The following STARD13 variants were observed in gnomAD, a reference collection of about 807,000 sequenced individuals.
The protein encoded by STARD13 is StAR related lipid transfer domain containing 13.
A neutral mutation model predicts 106.4 loss-of-function variants in STARD13; 62 were observed. The ratio of observed to expected loss-of-function variants is 0.58; its 90% CI spans 0.48 to 0.72. The LOEUF (loss-of-function observed/expected upper bound fraction) is 0.72, where lower values mean the gene tolerates loss of function less well. STARD13 is among the 30% of genes least tolerant of loss of function. The pLI, the probability that STARD13 is intolerant of heterozygous loss-of-function variation, is 0.00. For synonymous variants in STARD13, 565 were observed against 553.0 expected, an observed-to-expected ratio of 1.02 and a Z score of -0.31; for missense variants, 1,387 against 1,424.0, an observed-to-expected ratio of 0.97 and a Z score of 0.42.
chr13:33,588,257 G>T, the STARD13 span, among the ~76,000 whole-genome samples: 1 of 152,122 alleles, frequency 6.6e-6, no homozygotes, highest in Non-Finnish European at 1.5e-5. Context: ...GATTCTCAAT[G>T]ATCACCACTG....
At chr13:33,293,286 C>G (rs557423429) in intron 1 of STARD13, among the ~76,000 whole-genome samples, 1 of 152,174 alleles carries the variant, frequency 6.6e-6, no homozygotes, top group East Asian at 1.9e-4. Context: ...ATACTTGATG[C>G]CTATTGTAAG....
rs188532172 is a variant in STARD13, at chr13:33,110,033, G to A, written c.2887C>T (p.Pro963Ser). ...WKASVEVEAPPSVVLNRVLRE... is the reference protein window; with the variant it reads ...WKASVEVEAPSSVVLNRVLRE... ...AGCACGCGGTTCAGGACCACTGAGG[G>A]GGGTGCTTCCACCTCCACAGAAGCC... Residue 963 changes from proline to serine, a missense_variant, in exon 12 of 14, where the codon CCC becomes TCC. Coordinates refer to ENST00000336934, the MANE Select transcript of STARD13 (RefSeq NM_178006.4). 3 of 1,614,222 alleles carry A rather than the reference G, an allele frequency of 1.9e-6. No homozygotes were observed. The highest frequency in any genetic ancestry group is 1.3e-5 in the African/African-American group (1 of 75,052).
At chr13:33,574,971 C>T in the STARD13 span, among the ~76,000 whole-genome samples, 2 of 137,068 alleles carry the variant, frequency 1.5e-5, no homozygotes, top group African/African-American at 5.6e-5. Flanking sequence ...AGCTGGAGTG[C>T]AGAGGTGCAA....
intron 1 of STARD13, among the ~76,000 whole-genome samples, chr13:33,254,588 CT>C (rs1395987948): frequency 6.6e-6 from 1 of 152,176 alleles, no homozygotes; most frequent in African/African-American, 2.4e-5. Flanking sequence ...TTTTCATGTC[CT>C]TTTGGCCTGC....
chr13:33,646,378 C>T, the STARD13 span, among the ~76,000 whole-genome samples: 1 of 152,178 alleles, frequency 6.6e-6, no homozygotes, highest in Admixed American at 6.5e-5. Context: ...AAACATTCTG[C>T]CTCGGGATAT....
intron 13 of STARD13, among the ~76,000 whole-genome samples, chr13:33,106,139 GTC>G (rs1566525090): frequency 1.3e-5 from 2 of 152,234 alleles, no homozygotes; most frequent in African/African-American, 2.4e-5. Context: ...GAAATACATG[GTC>G]GAGCACGGTG....
chr13:33,202,883 T>A (rs1338208539), intron 1 of STARD13, among the ~76,000 whole-genome samples: 1 of 152,094 alleles, frequency 6.6e-6, no homozygotes, highest in East Asian at 1.9e-4. Context: ...GAGGGACCTC[T>A]GGGGGCTCCA....
chr13:33,558,997 T>A, the STARD13 span, among the ~76,000 whole-genome samples: 1 of 151,644 alleles, frequency 6.6e-6, no homozygotes, highest in Admixed American at 6.6e-5. Flanking sequence ...AATAGTTGAC[T>A]TTTCAATTTC....
At chr13:33,464,037 A>ATATATGTATATGTATATGTATATG in the STARD13 span, among the ~76,000 whole-genome samples, 1 of 140,982 alleles carries the variant, frequency 7.1e-6, no homozygotes, top group African/African-American at 2.6e-5. Flanking sequence ...ATATATATAT[A>ATATATGTATATGTATATGTATATG]TATATGTATA....
the STARD13 span, among the ~76,000 whole-genome samples, chr13:33,473,656 T>C: frequency 1.8e-3 from 281 of 152,334 alleles, 2 homozygotes; most frequent in African/African-American, 6.4e-3. Context: ...TATGGTTCAC[T>C]GCCATAGGCC....
In STARD13 at chr13:33,103,364, T is replaced by C. The variant is rs1027384705; in HGVS notation, c.*2229A>G. 6.5e-6 allele frequency: 1 copy of C among 152,676 alleles called. No individual in the cohort carries two copies. The highest frequency in any genetic ancestry group is 1.5e-5 in the Non-Finnish European group (1 of 68,044). 9.5% of individuals were successfully genotyped at this position (152,676 alleles called of 1,614,324 possible). ...GATGCATCGTTTTTTCTCCTTTTTT[T>C]CCCTTTTCCTTGTTTTAAAAAGATG... is the stretch of plus-strand genomic sequence containing the variant. On this transcript the variant is annotated 3_prime_UTR_variant, in exon 14 of 14. Transcript: ENST00000336934.
At chr13:33,326,495 G>A (rs985134529) in intron 1 of STARD13, among the ~76,000 whole-genome samples, 2 of 152,120 alleles carry the variant, frequency 1.3e-5, no homozygotes, top group Non-Finnish European at 2.9e-5. Flanking sequence ...CCTGTACTCC[G>A]ACATTAAGGG....
chr13:33,650,164 A>ATGTTTTTTTTTTTTT, the STARD13 span, among the ~76,000 whole-genome samples: 6 of 48,374 alleles, frequency 1.2e-4, 1 homozygote, highest in Admixed American at 7.6e-4. Flanking sequence ...CGTGACTCCA[A>ATGTTTTTTTTTTTTT]TTTTTTTTTT....
At chr13:33,427,751 T>C in the STARD13 span, among the ~76,000 whole-genome samples, 4 of 151,714 alleles carry the variant, frequency 2.6e-5, no homozygotes, top group Non-Finnish European at 5.9e-5. Context: ...AGGTCAGGAG[T>C]TCGAGACCAG....
chr13:33,279,001 G>A (rs4406941), intron 1 of STARD13, among the ~76,000 whole-genome samples: 149,139 of 152,258 alleles, frequency 0.98, 73,133 homozygotes, highest in East Asian at 1. Flanking sequence ...CAAGGGAGAC[G>A]GCAAATATTT....
At chr13:33,565,167 A>G in the STARD13 span, among the ~76,000 whole-genome samples, 2 of 146,828 alleles carry the variant, frequency 1.4e-5, no homozygotes, top group East Asian at 4.1e-4. Flanking sequence ...TGGGAGCTTA[A>G]AAAAACGTGG....
At chr13:33,112,474 ATC>A (rs1316375303) in intron 9 of STARD13, among the ~76,000 whole-genome samples, 6 of 152,190 alleles carry the variant, frequency 3.9e-5, no homozygotes, top group Non-Finnish European at 7.3e-5. Flanking sequence ...TCATCTATTT[ATC>A]TCTCTTTATC....
intron 1 of STARD13, among the ~76,000 whole-genome samples, chr13:33,214,693 CACACAT>C (rs1279411738): frequency 8.4e-5 from 7 of 83,414 alleles, no homozygotes; most frequent in South Asian, 4.6e-4. Flanking sequence ...CACACACATG[CACACAT>C]ACACACACAC....
intron 1 of STARD13, among the ~76,000 whole-genome samples, chr13:33,306,521 A>T (rs943627985): frequency 6.6e-6 from 1 of 152,226 alleles, no homozygotes; most frequent in Non-Finnish European, 1.5e-5. Flanking sequence ...AAAATAAACT[A>T]TCATCAAAGT....
Sources: gnomAD v4.1 joint callset for allele counts (sites outside exome capture counted in the v4.1 genomes callset) on GRCh38, gnomAD v4.1.1 for gene constraint, MANE v1.5 for transcripts, NCBI Gene and HGNC (gene_info 2026-07-23, HGNC 2026-07-21) for gene names.